The following GLT1D1 variants were observed in gnomAD, a reference collection of about 807,000 sequenced individuals.
The protein encoded by GLT1D1 is glycosyltransferase 1 domain-containing protein 1.
Under a neutral mutation model 28.7 loss-of-function variants are expected in GLT1D1, and 21 were observed. The observed-to-expected ratio is 0.73, with a 90% CI of 0.52 to 1.05. The LOEUF is 1.05. GLT1D1 is among the 50% of genes least tolerant of loss of function. The pLI is 0.00. For synonymous variants in GLT1D1, 147 were observed against 124.8 expected (o/e 1.18, Z -1.19); for missense variants, 343 against 330.6 (o/e 1.04, Z -0.29).
At chr12:128,908,063 C>T (rs1465886569) in intron 4 of GLT1D1, among the ~76,000 whole-genome samples, 1 of 152,128 alleles carries the variant, frequency 6.6e-6, no homozygotes, top group African/African-American at 2.4e-5. Flanking sequence ...TGAAGGGTCA[C>T]GGGTTGTTCT....
chr12:128,876,555 A>T (rs1194351306), intron 2 of GLT1D1, among the ~76,000 whole-genome samples: 4 of 152,082 alleles, frequency 2.6e-5, no homozygotes, highest in Admixed American at 2.6e-4. Context: ...GGCTCAAGCA[A>T]TCCATCCTCC....
chr12:128,943,581 T>C (rs980314082), intron 4 of GLT1D1, among the ~76,000 whole-genome samples: 2 of 152,232 alleles, frequency 1.3e-5, no homozygotes, highest in Non-Finnish European at 2.9e-5. Context: ...ATCATAACCC[T>C]CAGTACATAT....
At chr12:128,940,438 G>A (rs1241355545) in intron 4 of GLT1D1, among the ~76,000 whole-genome samples, 2 of 152,158 alleles carry the variant, frequency 1.3e-5, no homozygotes, top group African/African-American at 4.8e-5. Context: ...AAACTGACAC[G>A]CAGAGAGGTC....
At chr12:128,964,336 T>A (rs7305569) in intron 7 of GLT1D1, among the ~76,000 whole-genome samples, 66,054 of 152,122 alleles carry the variant, frequency 0.43, 14,674 homozygotes, top group Admixed American at 0.56. Flanking sequence ...GGGAGCCATG[T>A]TGGCGTGGCT....
At chr12:128,913,352 T>C (rs772693181) in intron 4 of GLT1D1, among the ~76,000 whole-genome samples, 11 of 152,138 alleles carry the variant, frequency 7.2e-5, no homozygotes, top group Non-Finnish European at 1.6e-4. Context: ...CCCGAGTAGC[T>C]GGGATTACAG....
chr12:128,958,811 G>A (rs1329701701), intron 7 of GLT1D1, among the ~76,000 whole-genome samples: 2 of 139,336 alleles, frequency 1.4e-5, no homozygotes, highest in African/African-American at 5.3e-5. Flanking sequence ...CCTCTTGTTA[G>A]GCAGTAGTAA....
At chr12:128,945,744 A>G (rs1171655633) in intron 5 of GLT1D1, among the ~76,000 whole-genome samples, 2 of 152,166 alleles carry the variant, frequency 1.3e-5, no homozygotes, top group Non-Finnish European at 2.9e-5. Flanking sequence ...GCTTGAACAG[A>G]TTGAACTTTC....
intron 4 of GLT1D1, among the ~76,000 whole-genome samples, chr12:128,901,459 T>C (rs1328922315): frequency 2.1e-5 from 3 of 145,606 alleles, no homozygotes; most frequent in East Asian, 2.1e-4. Context: ...TTTTCTGAGA[T>C]GGAGTCTCGC....
At chr12:128,890,822 A>C (rs1868962960) in intron 3 of GLT1D1, among the ~76,000 whole-genome samples, 1 of 152,138 alleles carries the variant, frequency 6.6e-6, no homozygotes, top group Non-Finnish European at 1.5e-5. Flanking sequence ...AACAGGGTGA[A>C]ACTCCATCTC....
intron 7 of GLT1D1, among the ~76,000 whole-genome samples, chr12:128,973,948 T>TGG (rs1205417679): frequency 5.7e-4 from 30 of 52,950 alleles, no homozygotes; most frequent in African/African-American, 1.7e-3. Context: ...GGTGTGTGTG[T>TGG]GTGGGGGGGG....
At chr12:128,927,240 C>A in intron 4 of GLT1D1, 86 bp downstream of exon 8, 3 of 1,061,766 alleles carry the variant, frequency 2.8e-6, no homozygotes, top group Non-Finnish European at 4.2e-6. Context: ...GTTTACATTG[C>A]TCTTCTTTAT....
chr12:128,976,333 G>C lies in GLT1D1; in HGVS notation c.640-6596G>C, dbSNP rs182611131. Among the ~76,000 whole-genome samples the C allele has an allele frequency of 9.1e-4, 139 of 152,250 alleles. 1 individual carries two copies. The highest frequency in any genetic ancestry group is 2.5e-3 in the South Asian group (12 of 4,828). On this transcript the variant is annotated intron_variant, in intron 7 of 7. Coordinates refer to ENST00000281703, the MANE Select transcript of GLT1D1 (RefSeq NM_144669.3). ...CCTCCACCCACCCAATCAGTATCTC[G>C]GGGACTGAGGGCGGGTATGTGGGGC...
At chr12:128,874,221 GC>G (rs1295261977) in intron 1 of GLT1D1, among the ~76,000 whole-genome samples, 6 of 139,392 alleles carry the variant, frequency 4.3e-5, no homozygotes, top group Admixed American at 7.8e-5. Context: ...TCACTCTGTT[GC>G]CCAGGCTGGA....
Position 128,947,870 on chromosome 12 carries a change from A to C in GLT1D1, c.540+412A>C, listed in dbSNP as rs563600176. 7.9e-5 allele frequency among the ~76,000 whole-genome samples: 12 copies of C among 152,308 alleles called. 1 individual carries two copies. In the South Asian group the frequency reaches 2.5e-3, roughly 32 times the overall value. On this transcript the variant is annotated intron_variant, in intron 6 of 7. Transcript: ENST00000281703. ...TAATTCCAGAATTTAAGGGAGGGGA[A>C]GAAAGGGCTGGACTTTGCAGGTGGC...
intron 4 of GLT1D1, among the ~76,000 whole-genome samples, chr12:128,925,043 T>G (rs1055486148): frequency 6.6e-6 from 1 of 152,092 alleles, no homozygotes; most frequent in Non-Finnish European, 1.5e-5. Context: ...GTTTTTTGTT[T>G]TTTTTTTTTA....
intron 4 of GLT1D1, 31 bp from the exon 8 acceptor site, chr12:128,927,074 G>A (rs1197222048): frequency 2.6e-6 from 4 of 1,514,472 alleles, no homozygotes; most frequent in Non-Finnish European, 2.7e-6. Flanking sequence ...CCCATTTGAA[G>A]TGTTTTTTTG....
intron 4 of GLT1D1, among the ~76,000 whole-genome samples, chr12:128,931,454 C>A (rs1873877555): frequency 6.6e-6 from 1 of 151,740 alleles, no homozygotes; most frequent in Non-Finnish European, 1.5e-5. Flanking sequence ...ATTACAAGCG[C>A]CTACCACTAC....
At chr12:128,899,462 C>T (rs1168709619) in intron 4 of GLT1D1, among the ~76,000 whole-genome samples, 175 bp downstream of exon 4, 3 of 151,174 alleles carry the variant, frequency 2.0e-5, no homozygotes, top group African/African-American at 4.9e-5. Context: ...GCACCTAAAA[C>T]GTCCCTGATA....
In GLT1D1 at chr12:128,882,995, G is replaced by A. The variant is rs147667684; in HGVS notation, c.218-5644G>A. On this transcript the variant is annotated intron_variant, in intron 2 of 7. Coordinates refer to ENST00000281703, the MANE Select transcript of GLT1D1 (RefSeq NM_144669.3). ...GGCTGTAGTGTAGTGGTGGGATCTC[G>A]GCTCACCGCAACCTCTGACTCCCCT... is the stretch of plus-strand genomic sequence containing the variant. 6.7e-4 allele frequency among the ~76,000 whole-genome samples: 100 copies of A among 150,270 alleles called. 1 individual carries two copies. The highest frequency in any genetic ancestry group is 3.4e-3 in the Middle Eastern group (1 of 294).
Sources: allele counts gnomAD v4.1 joint callset (sites outside exome capture counted in the v4.1 genomes callset), GRCh38; gene constraint gnomAD v4.1.1; transcripts MANE v1.5; gene names NCBI Gene and HGNC (gene_info 2026-07-23, HGNC 2026-07-21).